Variants in GPM6A observed in about 807,000 individuals in gnomAD.
The protein encoded by GPM6A is neuronal membrane glycoprotein M6-a.
GPM6A carries 7 observed loss-of-function variants against 32.1 expected under a neutral mutation model. That is an observed-to-expected ratio of 0.22 (90% CI 0.12 to 0.41). GPM6A has a LOEUF of 0.41. Ranked by LOEUF, GPM6A falls within the 10% of genes least tolerant of loss-of-function variation. GPM6A has a pLI of 1.00. For missense variants in GPM6A, 235 were observed against 347.2 expected (o/e 0.68, Z 2.57); for synonymous variants, 130 against 123.4 (o/e 1.05, Z -0.35).
At chr4:175,897,024 A>G (rs1737816035) in intron 1 of GPM6A, among the ~76,000 whole-genome samples, 1 of 152,140 alleles carries the variant, frequency 6.6e-6, no homozygotes, top group African/African-American at 2.4e-5. Context: ...GTCAGGGCCC[A>G]ACATAGAAAA....
intron 1 of GPM6A, chr4:175,970,770 C>T (rs1440691701): frequency 2.3e-6 from 1 of 426,586 alleles, no homozygotes; most frequent in South Asian, 1.7e-5. Flanking sequence ...GGAATTGCAA[C>T]TAAAAGAAAA....
chr4:175,808,005 T>C (rs1312351199), intron 1 of GPM6A, among the ~76,000 whole-genome samples: 1 of 152,226 alleles, frequency 6.6e-6, no homozygotes, highest in Non-Finnish European at 1.5e-5. Context: ...GTAAAGTCCT[T>C]AGGCCAGTGT....
intron 1 of GPM6A, among the ~76,000 whole-genome samples, chr4:175,733,678 T>C (rs1731529861): frequency 1.3e-5 from 2 of 152,214 alleles, no homozygotes; most frequent in African/African-American, 4.8e-5. Context: ...CTTTATTTTA[T>C]GTACCTGAGA....
chr4:175,665,970 G>A (rs551210751), intron 3 of GPM6A, among the ~76,000 whole-genome samples: 32 of 149,930 alleles, frequency 2.1e-4, no homozygotes, highest in Middle Eastern at 3.5e-3. Context: ...CCAGGCTGGA[G>A]TGCAATGGCA....
At chr4:175,848,061 C>T (rs554572391) in intron 1 of GPM6A, among the ~76,000 whole-genome samples, 1 of 152,204 alleles carries the variant, frequency 6.6e-6, no homozygotes, top group South Asian at 2.1e-4. Flanking sequence ...CTTCATTTCT[C>T]TTTGCCTACC....
intron 1 of GPM6A, among the ~76,000 whole-genome samples, chr4:175,765,391 AT>A (rs1242801343): frequency 6.6e-6 from 1 of 152,118 alleles, no homozygotes. Flanking sequence ...TTAAGAATTT[AT>A]TTTTATTGAT....
chr4:175,862,559 G>T (rs1006687631), intron 1 of GPM6A, among the ~76,000 whole-genome samples: 3 of 151,992 alleles, frequency 2.0e-5, no homozygotes, highest in Non-Finnish European at 4.4e-5. Context: ...ATACTTTCTG[G>T]TATTGACTAT....
intron 1 of GPM6A, among the ~76,000 whole-genome samples, chr4:175,823,949 C>T (rs893472215): frequency 6.6e-6 from 1 of 152,168 alleles, no homozygotes; most frequent in Non-Finnish European, 1.5e-5. Flanking sequence ...TCCTTTCTTA[C>T]TTCTGAGAGA....
chr4:175,819,405 G>A (rs1190771743), intron 1 of GPM6A, among the ~76,000 whole-genome samples: 2 of 152,182 alleles, frequency 1.3e-5, no homozygotes, highest in African/African-American at 4.8e-5. Context: ...CTCTAACAGA[G>A]CTAATAGCAA....
intron 1 of GPM6A, among the ~76,000 whole-genome samples, chr4:175,782,312 T>C (rs1038234830): frequency 2.6e-4 from 40 of 152,248 alleles, no homozygotes; most frequent in African/African-American, 9.4e-4. Context: ...TTTTTCATTA[T>C]GGAATATCAC....
In GPM6A at chr4:175,686,735, A is replaced by G. The variant is rs1311758118; in HGVS notation, c.231-12899T>C. On this transcript the variant is annotated intron_variant, in intron 2 of 6. Coordinates refer to ENST00000393658, the MANE Select transcript of GPM6A (RefSeq NM_201591.3). ...TGTTTTAAGCCAACAGTTTGTGGCT[A>G]TATGTTATGGCAGTCACAGTGAACT... Among the ~76,000 whole-genome samples the G allele has an allele frequency of 2.0e-5, 3 of 152,236 alleles. 1 individual carries two copies. The highest frequency in any genetic ancestry group is 2.9e-5 in the Non-Finnish European group (2 of 68,040).
intron 1 of GPM6A, among the ~76,000 whole-genome samples, chr4:175,703,189 G>A (rs1315975374): frequency 6.6e-6 from 1 of 151,796 alleles, no homozygotes; most frequent in African/African-American, 2.4e-5. Context: ...GGGGTGGGTG[G>A]AAGATGGAGT....
chr4:175,648,881 A>G (rs981500619), intron 4 of GPM6A, among the ~76,000 whole-genome samples: 1 of 152,198 alleles, frequency 6.6e-6, no homozygotes, highest in Non-Finnish European at 1.5e-5. Flanking sequence ...CCCCATTTTA[A>G]GATCAGTTGA....
intron 1 of GPM6A, among the ~76,000 whole-genome samples, chr4:176,001,241 A>G (rs1301317045): frequency 6.6e-6 from 1 of 152,148 alleles, no homozygotes; most frequent in African/African-American, 2.4e-5. Flanking sequence ...CTCACAACAA[A>G]GGACAAGGGA....
chr4:175,771,939 A>C (rs1193862587), intron 1 of GPM6A, among the ~76,000 whole-genome samples: 1 of 152,262 alleles, frequency 6.6e-6, no homozygotes, highest in East Asian at 1.9e-4. Context: ...TTTGCTTGTC[A>C]GTAATCTGAA....
At chr4:175,719,543 G>A (rs1746010009) in intron 1 of GPM6A, among the ~76,000 whole-genome samples, 1 of 152,158 alleles carries the variant, frequency 6.6e-6, no homozygotes, top group East Asian at 1.9e-4. Context: ...GATAATCACA[G>A]TATGCCGTTT....
At chr4:175,948,820 C>A (rs1434427052) in intron 1 of GPM6A, among the ~76,000 whole-genome samples, 1 of 137,122 alleles carries the variant, frequency 7.3e-6, no homozygotes. Context: ...AATGTTAATA[C>A]TAACTTACTA....
chr4:175,802,077 A>T (rs1734494533), intron 1 of GPM6A, among the ~76,000 whole-genome samples: 1 of 152,078 alleles, frequency 6.6e-6, no homozygotes, highest in African/African-American at 2.4e-5. Context: ...AATCATGGAA[A>T]TACATGCTTG....
At chr4:175,880,450 G>A (rs1737235062) in intron 1 of GPM6A, among the ~76,000 whole-genome samples, 2 of 152,122 alleles carry the variant, frequency 1.3e-5, no homozygotes, top group South Asian at 4.1e-4. Context: ...TGATGGGGAT[G>A]GCATTGAATC....
Sources: allele counts gnomAD v4.1 joint callset (sites outside exome capture counted in the v4.1 genomes callset), GRCh38; gene constraint gnomAD v4.1.1; transcripts MANE v1.5; gene names NCBI Gene and HGNC (gene_info 2026-07-23, HGNC 2026-07-21).